Variants in SIPA1L2 observed in about 807,000 individuals in gnomAD.
SIPA1L2 encodes signal-induced proliferation-associated 1-like protein 2.
SIPA1L2 carries 56 observed loss-of-function variants against 163.9 expected under a neutral mutation model. The observed-to-expected ratio is 0.34, with a 90% CI of 0.28 to 0.43. The LOEUF is 0.43. SIPA1L2 is among the 20% of genes least tolerant of loss of function. The pLI is 1.00. For synonymous variants in SIPA1L2, 877 were observed against 865.7 expected, an observed-to-expected ratio of 1.01 and a Z score of -0.23; for missense variants, 1,974 against 2,193.5, an observed-to-expected ratio of 0.90 and a Z score of 2.00.
chr1:232,502,763 G>C (rs1362425585), intron 3 of SIPA1L2, among the ~76,000 whole-genome samples: 2 of 152,154 alleles, frequency 1.3e-5, no homozygotes, highest in Non-Finnish European at 2.9e-5. Flanking sequence ...AATGCTTTTG[G>C]TTTCACCAAA....
chr1:232,399,730 C>G (rs574322893), intron 22 of SIPA1L2, among the ~76,000 whole-genome samples: 1 of 152,110 alleles, frequency 6.6e-6, no homozygotes, highest in African/African-American at 2.4e-5. Context: ...ACTATATTTC[C>G]ATAATGACCC....
chr1:232,584,375 C>T (rs1558285696), intron 1 of SIPA1L2, among the ~76,000 whole-genome samples: 1 of 152,184 alleles, frequency 6.6e-6, no homozygotes, highest in Non-Finnish European at 1.5e-5. Context: ...CAGGTGCATG[C>T]CACCACGCCC....
In SIPA1L2 at chr1:232,464,830, A is replaced by C; in HGVS notation, c.2820+10T>G. 6.4e-7 allele frequency: 1 copy of C among 1,561,098 alleles called. No homozygotes were observed. Among genetic ancestry groups the C allele is most frequent in the South Asian group, 1.2e-5 (1 of 81,638 alleles). On this transcript the variant is annotated intron_variant, in intron 9 of 22. Transcript: ENST00000674635. Reference sequence around the variant, plus strand: ...TAAGGATGGCGGGAAAATAGAAAACATGTACTTACTACTAATCGCTGAACA... The same window carrying C: ...TAAGGATGGCGGGAAAATAGAAAACCTGTACTTACTACTAATCGCTGAACA...
At chr1:232,588,268 G>A (rs151212217) in intron 1 of SIPA1L2, among the ~76,000 whole-genome samples, 8 of 152,120 alleles carry the variant, frequency 5.3e-5, no homozygotes, top group Admixed American at 5.2e-4. Flanking sequence ...ATAAACAATG[G>A]TTATTCCGAC....
chr1:232,470,549 T>C (rs1283095106), intron 8 of SIPA1L2, among the ~76,000 whole-genome samples: 2 of 152,218 alleles, frequency 1.3e-5, no homozygotes, highest in Non-Finnish European at 2.9e-5. Context: ...GTCTCTGAAC[T>C]AGGCCCAGTG....
rs568347163 is a variant in SIPA1L2 at position 232,570,740 on chromosome 1, A to T, written c.-270+3434T>A. 1.0e-3 allele frequency among the ~76,000 whole-genome samples: 158 copies of T among 152,330 alleles called. 1 individual carries two copies. Among genetic ancestry groups the T allele is most frequent in the African/African-American group, 3.7e-3 (152 of 41,568 alleles). On this transcript the variant is annotated intron_variant, in intron 2 of 22. Coordinates refer to ENST00000674635, the MANE Select transcript of SIPA1L2 (RefSeq NM_020808.5). The stretch of plus-strand genomic sequence containing the variant: ...AAATCAAAAGCAACTCAAACAGTAA[A>T]AATATAAATAAAACTTAATTTTAAA...
At chr1:232,419,542 G>A (rs776864067) in intron 18 of SIPA1L2, among the ~76,000 whole-genome samples, 5 of 152,034 alleles carry the variant, frequency 3.3e-5, no homozygotes, top group African/African-American at 9.7e-5. Flanking sequence ...GTGAGTTCTC[G>A]TGAGAGTGAG....
chr1:232,564,276 GTGTGTA>G (rs1346099130), intron 2 of SIPA1L2, among the ~76,000 whole-genome samples: 34 of 98,024 alleles, frequency 3.5e-4, no homozygotes, highest in East Asian at 3.0e-3. Context: ...GTGTGTGTGT[GTGTGTA>G]TGATGGAGTT....
intron 2 of SIPA1L2, among the ~76,000 whole-genome samples, chr1:232,560,853 T>C (rs1392256907): frequency 1.3e-5 from 2 of 152,196 alleles, no homozygotes; most frequent in Non-Finnish European, 1.5e-5. Flanking sequence ...AATTATCTAC[T>C]AAAGATACTG....
At chr1:232,421,629 C>A (rs1375057760) in intron 18 of SIPA1L2, among the ~76,000 whole-genome samples, 1 of 152,136 alleles carries the variant, frequency 6.6e-6, no homozygotes, top group East Asian at 1.9e-4. Context: ...CCATGCCACC[C>A]TTGGCAAAGA....
At chr1:232,484,205 C>T (rs1010973742) in intron 5 of SIPA1L2, among the ~76,000 whole-genome samples, 1 of 152,138 alleles carries the variant, frequency 6.6e-6, no homozygotes, top group Non-Finnish European at 1.5e-5. Context: ...AAATGTATGG[C>T]TGTGGCCATT....
At chr1:232,432,560 C>A in intron 15 of SIPA1L2, 89 bp from the exon 16 acceptor site, 2 of 1,251,008 alleles carry the variant, frequency 1.6e-6, no homozygotes, top group South Asian at 1.4e-5. Flanking sequence ...AGGCTTTACT[C>A]AAGTCTTTCT....
At chr1:232,442,353 G>T (rs1489291878) in intron 12 of SIPA1L2, among the ~76,000 whole-genome samples, 1 of 151,678 alleles carries the variant, frequency 6.6e-6, no homozygotes, top group Non-Finnish European at 1.5e-5. Context: ...TTGGAGACCA[G>T]CCTGGCCAAC....
At chr1:232,624,051 G>A (rs1463388012) in intron 1 of SIPA1L2, among the ~76,000 whole-genome samples, 1 of 151,802 alleles carries the variant, frequency 6.6e-6, no homozygotes, top group Non-Finnish European at 1.5e-5. Flanking sequence ...TAATATCTTA[G>A]CACAGTAAAG....
intron 8 of SIPA1L2, among the ~76,000 whole-genome samples, chr1:232,470,335 C>G (rs1249818573): frequency 6.6e-6 from 1 of 152,106 alleles, no homozygotes; most frequent in Non-Finnish European, 1.5e-5. Context: ...CACAGTAGAG[C>G]CATAGACTAG....
rs76628215 is a variant in SIPA1L2 at position 232,590,335 on chromosome 1, G to A, written c.-318-16113C>T. On this transcript the variant is annotated intron_variant, in intron 1 of 22. Coordinates refer to ENST00000674635, the MANE Select transcript of SIPA1L2 (RefSeq NM_020808.5). ...GTGTGTGTCACCAATTGCGCAGTGA[G>A]ATTCAATAAAGCTCCATTTATTTTT... is the stretch of plus-strand genomic sequence containing the variant. 4.1e-3 allele frequency among the ~76,000 whole-genome samples: 625 copies of A among 152,352 alleles called. 3 individuals are homozygous for A. The highest frequency in any genetic ancestry group is 0.014 in the African/African-American group (591 of 41,586).
chr1:232,581,250 G>A (rs541395568), intron 1 of SIPA1L2, among the ~76,000 whole-genome samples: 3 of 152,098 alleles, frequency 2.0e-5, no homozygotes, highest in Non-Finnish European at 2.9e-5. Context: ...CCCTTAGCTC[G>A]GTGACTAGTT....
rs758575372 is a variant in SIPA1L2 at position 232,513,858 on chromosome 1, T to G, written c.1482A>C (p.Lys494Asn). 36 of 1,562,054 alleles carry G rather than the reference T, an allele frequency of 2.3e-5. No individual in the cohort carries two copies. Among genetic ancestry groups the G allele is most frequent in the Non-Finnish European group, 2.8e-5 (33 of 1,158,230 alleles). ...CAAACGCCCATGGCTCTTCCTTACC[T>G]TTCCCATAGAAGAATTTGCGGTAAT... ...AYYYRKFFYG[K>N]EHQNYFGIDE... is the part of the protein sequence containing the mutation. Residue 494 changes from lysine (K) to asparagine (N), a missense_variant and splice_region_variant, in exon 3 of 23, where the codon AAA becomes AAC. This residue lies in a region of SIPA1L2 where 607 missense variants were observed against 624.0 expected (regional missense o/e 0.97). Coordinates refer to ENST00000674635, the MANE Select transcript of SIPA1L2 (RefSeq NM_020808.5).
At chr1:232,411,008 G>T (rs1394591578) in intron 19 of SIPA1L2, among the ~76,000 whole-genome samples, 1 of 152,104 alleles carries the variant, frequency 6.6e-6, no homozygotes, top group Non-Finnish European at 1.5e-5. Context: ...AGACAGAAAA[G>T]AAATTTTCTG....
Sources: allele counts gnomAD v4.1 joint callset (sites outside exome capture counted in the v4.1 genomes callset), GRCh38; gene constraint gnomAD v4.1.1; regional missense constraint gnomAD v4.1.1; transcripts MANE v1.5; gene names NCBI Gene and HGNC (gene_info 2026-07-23, HGNC 2026-07-21).